GUCY2F: variants seen among roughly 807,000 people sequenced by gnomAD.
GUCY2F encodes the protein guanylate cyclase 2F, retinal.
In GUCY2F, 61 loss-of-function variants were observed where a neutral mutation model predicts 73.1. The observed-to-expected ratio is 0.83, with a 90% confidence interval of 0.68 to 1.03. GUCY2F has a LOEUF of 1.03. Among genes scored for constraint, GUCY2F ranks in the 50% least tolerant of loss-of-function variants. GUCY2F has a pLI of 0.00. For missense variants in GUCY2F, 912 were observed against 854.3 expected (o/e 1.07, Z -0.84); for synonymous variants, 331 against 307.8 (o/e 1.08, Z -0.79).
At chrX:109,393,614 G>A (rs754867699) in intron 12 of GUCY2F, among the ~76,000 whole-genome samples, 3 of 111,654 alleles carry the variant, frequency 2.7e-5, no homozygotes, top group Non-Finnish European at 5.6e-5. Flanking sequence ...AAGAATAGTG[G>A]TGTCCTCTAG....
At chrX:109,461,821 G>A (rs922545874) in intron 3 of GUCY2F, among the ~76,000 whole-genome samples, 4 of 112,259 alleles carry the variant, frequency 3.6e-5, no homozygotes, top group African/African-American at 1.3e-4. Context: ...TGTCTGTCTT[G>A]TATAGTGTTC....
intron 2 of GUCY2F, among the ~76,000 whole-genome samples, chrX:109,469,696 T>C (rs1932536299): frequency 9.0e-6 from 1 of 110,910 alleles, no homozygotes; most frequent in Admixed American, 9.6e-5. Flanking sequence ...AGTCTCATCT[T>C]CTCTCAGGAT....
intron 18 of GUCY2F, 32 bp downstream of exon 18, chrX:109,376,047 G>A: frequency 8.7e-7 from 1 of 1,155,261 alleles, no homozygotes; most frequent in Non-Finnish European, 1.2e-6. Flanking sequence ...TATGGCATAG[G>A]AAGACTCCAA....
At chrX:109,411,999 C>T (rs1235596957) in intron 8 of GUCY2F, among the ~76,000 whole-genome samples, 2 of 111,640 alleles carry the variant, frequency 1.8e-5, no homozygotes, top group Non-Finnish European at 3.8e-5. Flanking sequence ...AAAATGCCTG[C>T]CAGAAAGAAT....
At chrX:109,429,588 T>C (rs1931566892) in intron 8 of GUCY2F, among the ~76,000 whole-genome samples, 1 of 111,978 alleles carries the variant, frequency 8.9e-6, no homozygotes, top group African/African-American at 3.2e-5. Context: ...GTTGGAATGA[T>C]TTGAAATTGC....
chrX:109,404,449 A>G lies in GUCY2F; in HGVS notation c.2004T>C (p.His668=). 1 of 1,195,744 alleles carries G rather than the reference A, an allele frequency of 8.4e-7. No homozygotes were observed. The highest frequency in any genetic ancestry group is 1.7e-5 in the African/African-American group (1 of 57,532). ...MKYLHHREFV[H]GRLKSRNCVV... ...CACAGTTTCGAGACTTTAGCCTCCC[A>G]TGAACAAACTCTCTGTGGTGTAAGT... Residue 668 remains histidine (H), a synonymous_variant, in exon 10 of 20, where the codon CAT becomes CAC. Transcript: ENST00000218006.
chrX:109,473,312 G>GATCTGT (rs1357720400), intron 2 of GUCY2F, among the ~76,000 whole-genome samples: 1 of 111,511 alleles, frequency 9.0e-6, no homozygotes, highest in African/African-American at 3.3e-5. Flanking sequence ...TTAGTGAGCA[G>GATCTGT]ATCTGTACTG....
At chrX:109,407,189 G>T (rs889891185) in intron 9 of GUCY2F, among the ~76,000 whole-genome samples, 2 of 112,112 alleles carry the variant, frequency 1.8e-5, no homozygotes, top group Non-Finnish European at 3.8e-5. Flanking sequence ...TGTCTCAGAT[G>T]GAGATGAGTA....
Position 109,453,502 on chromosome X carries a change from T to G in GUCY2F, c.1387+3A>C, listed in dbSNP as rs372291116. ...TGACTACTAGTGATTTTGCATTCCT[T>G]ACCTCCATGGCAGATCTTCCCTTCT... On this transcript the variant is annotated splice_donor_region_variant and intron_variant, in intron 4 of 19. Transcript: ENST00000218006. 1 of 1,166,019 alleles carries G rather than the reference T, an allele frequency of 8.6e-7. No homozygotes were observed. Among genetic ancestry groups the G allele is most frequent in the African/African-American group, 1.8e-5 (1 of 56,156 alleles).
intron 17 of GUCY2F, among the ~76,000 whole-genome samples, chrX:109,380,106 G>T (rs954269981): frequency 8.9e-6 from 1 of 112,067 alleles, no homozygotes; most frequent in African/African-American, 3.2e-5. Context: ...TAAACCTTGA[G>T]CCCAAGAGAA....
rs1277046849 is a variant in GUCY2F at position 109,408,992 on chromosome X, C to G, written c.1968G>C (p.Lys656Asn). The change falls in exon 9 of 20, where the codon AAG becomes AAC. Residue 656 changes from lysine to asparagine, a missense_variant and splice_region_variant. By Grantham distance (94) the Lys-to-Asn change is moderately conservative. Transcript: ENST00000218006. ...AGATTTCCTCAGTCTTCCCATTAAC[C>G]TTTATGAGATCCAGCAAGAGTGATG... The part of the protein sequence containing the change: ...FKSSLLLDLI[K>N]GMKYLHHREF... The G allele has an allele frequency of 3.9e-5, 42 of 1,070,297 alleles. No individual in the cohort carries two copies. Among genetic ancestry groups the G allele is most frequent in the Non-Finnish European group, 5.5e-5 (42 of 770,175 alleles). The allele number at this position is 1,070,297 out of a possible 1,213,427, so 88.2% of individuals were successfully genotyped here.
intron 3 of GUCY2F, among the ~76,000 whole-genome samples, chrX:109,464,373 A>G (rs1000289656): frequency 8.9e-6 from 1 of 112,374 alleles, no homozygotes; most frequent in Non-Finnish European, 1.9e-5. Flanking sequence ...ACACATATAA[A>G]TACTATTTCT....
At chrX:109,437,936 T>A (rs761565882) in intron 7 of GUCY2F, among the ~76,000 whole-genome samples, 4 of 112,444 alleles carry the variant, frequency 3.6e-5, no homozygotes, top group Non-Finnish European at 7.5e-5. Flanking sequence ...ACCTCAAGTT[T>A]ACATTTGAAG....
intron 2 of GUCY2F, among the ~76,000 whole-genome samples, chrX:109,473,965 T>C (rs1322086741): frequency 8.9e-6 from 1 of 112,337 alleles, no homozygotes; most frequent in Non-Finnish European, 1.9e-5. Context: ...TCAAGCTCTA[T>C]TATGAAGTAA....
rs1932767790 is a variant in GUCY2F, at chrX:109,481,996, T to A, written c.-216A>T. The A allele has an allele frequency of 8.9e-6, 1 of 112,065 alleles. No individual in the cohort carries two copies. Among genetic ancestry groups the A allele is most frequent in the African/African-American group, 3.2e-5 (1 of 30,785 alleles). 9.2% of individuals were successfully genotyped at this position (112,065 alleles called of 1,213,427 possible). A position where few individuals can be genotyped will look rare whatever the true frequency, so the allele number is the denominator to read the frequency against. The stretch of plus-strand genomic sequence containing the variant: ...AATCCTGTCAAGGACTCCAGTCTGT[T>A]GACAAATTCCATTAATGGGGTAAAT... On this transcript the variant is annotated 5_prime_UTR_variant, in exon 1 of 20. Transcript: ENST00000218006.
At chrX:109,383,365 C>A in intron 16 of GUCY2F, 1 of 670,911 alleles carries the variant, frequency 1.5e-6, no homozygotes, top group Non-Finnish European at 1.8e-6. Context: ...TCATACCAAC[C>A]ACCATCCACT....
chrX:109,458,190 T>C (rs1176342396), intron 3 of GUCY2F, among the ~76,000 whole-genome samples: 2 of 112,120 alleles, frequency 1.8e-5, no homozygotes, highest in Admixed American at 9.4e-5. Context: ...CTTAGCAATG[T>C]TACTTTGCCT....
intron 10 of GUCY2F, among the ~76,000 whole-genome samples, chrX:109,398,963 T>C (rs1603380025): frequency 8.9e-6 from 1 of 112,119 alleles, no homozygotes; most frequent in Middle Eastern, 4.6e-3. Context: ...GCTCAAAGTA[T>C]AGAAATTCTC....
chrX:109,458,619 G>C lies in GUCY2F; in HGVS notation c.1033-4760C>G, dbSNP rs1376573585. 2.7e-5 allele frequency among the ~76,000 whole-genome samples: 3 copies of C among 110,787 alleles called. No individual in the cohort carries two copies. In the East Asian group the frequency reaches 8.5e-4, roughly 31 times the overall value. Reference sequence around the variant, plus strand: ...CCCAATTTTAGATCCAATTTCCTTAGCACCTGAAATGGAAAAACTGTTCTC... The same window carrying C: ...CCCAATTTTAGATCCAATTTCCTTACCACCTGAAATGGAAAAACTGTTCTC... On this transcript the variant is annotated intron_variant, in intron 3 of 19. Coordinates refer to ENST00000218006, the MANE Select transcript of GUCY2F (RefSeq NM_001522.3).
Sources: gnomAD v4.1 joint callset for allele counts (sites outside exome capture counted in the v4.1 genomes callset) on GRCh38, gnomAD v4.1.1 for gene constraint, MANE v1.5 for transcripts, NCBI Gene and HGNC (gene_info 2026-07-23, HGNC 2026-07-21) for gene names.